NEBL: variants seen among roughly 807,000 people sequenced by gnomAD.
The protein encoded by NEBL is LIM and SH3 protein 2.
Under a neutral mutation model 140.2 loss-of-function variants are expected in NEBL, and 122 were observed. The observed-to-expected ratio is 0.87, with a 90% CI of 0.75 to 1.01. The LOEUF (loss-of-function observed/expected upper bound fraction) is 1.01. Among genes scored for constraint, NEBL ranks in the 50% least tolerant of loss-of-function variants. The pLI is 0.00. For missense variants in NEBL, 1,365 were observed against 1,231.3 expected (o/e 1.11, Z -1.62); for synonymous variants, 436 against 398.9 (o/e 1.09, Z -1.11).
chr10:20,818,745 T>C (rs1269457145), intron 20 of NEBL: 2 of 959,242 alleles, frequency 2.1e-6, no homozygotes, highest in East Asian at 1.2e-4. Context: ...CCCAGTACAT[T>C]TGGGTACTTA....
intron 2 of NEBL, among the ~76,000 whole-genome samples, chr10:21,143,867 A>T (rs80169688): frequency 1.7e-3 from 248 of 145,382 alleles, no homozygotes; most frequent in Non-Finnish European, 3.1e-3. Context: ...ACAAGAAAAG[A>T]AAAAAAAAAA....
intron 1 of NEBL, among the ~76,000 whole-genome samples, chr10:21,271,511 G>GAATAGTAA (rs1459910836): frequency 1.3e-5 from 2 of 151,554 alleles, no homozygotes; most frequent in African/African-American, 4.8e-5. Flanking sequence ...ACTACTAAGA[G>GAATAGTAA]AATAGTAAAC....
chr10:21,016,045 C>T (rs1032187697), intron 3 of NEBL, among the ~76,000 whole-genome samples: 2 of 152,256 alleles, frequency 1.3e-5, no homozygotes, highest in East Asian at 1.9e-4. Flanking sequence ...TTTACTTTTG[C>T]TTCTTGTTGA....
chr10:20,972,732 C>T (rs990693625), intron 3 of NEBL, among the ~76,000 whole-genome samples: 6 of 151,556 alleles, frequency 4.0e-5, no homozygotes, highest in African/African-American at 1.5e-4. Flanking sequence ...GGTGACAGAG[C>T]AACACTCCAT....
chr10:21,038,922 T>C (rs1027045537), intron 2 of NEBL, among the ~76,000 whole-genome samples: 1 of 152,188 alleles, frequency 6.6e-6, no homozygotes, highest in African/African-American at 2.4e-5. Context: ...CGTGAGATGG[T>C]ATCTCATTGT....
upstream of NEBL, among the ~76,000 whole-genome samples, chr10:20,900,845 G>GAAAA (rs371663324): frequency 9.7e-6 from 1 of 103,414 alleles, no homozygotes; most frequent in Non-Finnish European, 1.9e-5. Flanking sequence ...ACTCCATCCC[G>GAAAA]AAAAAAAAAG....
chr10:20,963,651 T>A (rs1836159844), intron 3 of NEBL, among the ~76,000 whole-genome samples: 1 of 152,140 alleles, frequency 6.6e-6, no homozygotes, highest in African/African-American at 2.4e-5. Context: ...TACCTTAGCC[T>A]CCCAAAGTGC....
chr10:20,953,973 G>T (rs1835644785), intron 4 of NEBL, among the ~76,000 whole-genome samples: 1 of 137,084 alleles, frequency 7.3e-6, no homozygotes, highest in African/African-American at 2.8e-5. Context: ...TTCCAGAAAA[G>T]ATTTTACTTG....
chr10:21,045,945 T>G (rs1051623914), intron 2 of NEBL, among the ~76,000 whole-genome samples: 2 of 152,124 alleles, frequency 1.3e-5, no homozygotes, highest in East Asian at 3.9e-4. Context: ...CTATTCACAA[T>G]AGATAAGACA....
chr10:21,012,605 TC>T (rs1372293515), intron 3 of NEBL, among the ~76,000 whole-genome samples: 1 of 152,154 alleles, frequency 6.6e-6, no homozygotes, highest in East Asian at 1.9e-4. Context: ...AATCCTGGCC[TC>T]AAGTGATCCT....
chr10:21,241,000 G>A (rs962661474), intron 3 of NEBL, among the ~76,000 whole-genome samples: 2 of 151,592 alleles, frequency 1.3e-5, no homozygotes, highest in African/African-American at 4.9e-5. Context: ...TTTCTACTGA[G>A]CCCCATTTTT....
At chr10:21,186,654 T>C (rs1202726165) in intron 3 of NEBL, among the ~76,000 whole-genome samples, 2 of 151,970 alleles carry the variant, frequency 1.3e-5, no homozygotes, top group Non-Finnish European at 2.9e-5. Flanking sequence ...ATGAGAATTG[T>C]TTGCGACTTT....
At chr10:21,219,415 A>C (rs1589333764) in intron 3 of NEBL, among the ~76,000 whole-genome samples, 1 of 152,222 alleles carries the variant, frequency 6.6e-6, no homozygotes, top group East Asian at 1.9e-4. Context: ...CTGTACTCCT[A>C]GACTCTATTA....
chr10:21,098,179 A>AAC (rs138608099), intron 2 of NEBL, among the ~76,000 whole-genome samples: 7 of 149,780 alleles, frequency 4.7e-5, no homozygotes, highest in Non-Finnish European at 8.9e-5. Context: ...GGAGGATAGC[A>AAC]ACACACACAC....
intron 3 of NEBL, among the ~76,000 whole-genome samples, chr10:20,987,474 T>C (rs7893616): frequency 0.17 from 26,064 of 152,080 alleles, 3,673 homozygotes; most frequent in East Asian, 0.39. Flanking sequence ...GTGACCTCAA[T>C]GTCACTTATG....
At chr10:21,263,104 C>G (rs907119478) in intron 1 of NEBL, among the ~76,000 whole-genome samples, 6 of 152,128 alleles carry the variant, frequency 3.9e-5, no homozygotes, top group African/African-American at 1.2e-4. Context: ...GAGAAATAAT[C>G]ACAATGGCAA....
chr10:21,046,310 A>G (rs563083613), intron 2 of NEBL, among the ~76,000 whole-genome samples: 148 of 152,346 alleles, frequency 9.7e-4, no homozygotes, highest in African/African-American at 3.5e-3. Flanking sequence ...ACTGTACATC[A>G]TGATGACTAC....
chr10:20,934,282 G>T (rs1834360335), intron 4 of NEBL, among the ~76,000 whole-genome samples: 1 of 152,208 alleles, frequency 6.6e-6, no homozygotes, highest in African/African-American at 2.4e-5. Context: ...ATGAGAATAT[G>T]ACAAGCATCT....
At chr10:21,095,330 C>G (rs373086685) in intron 2 of NEBL, among the ~76,000 whole-genome samples, 4 of 36,036 alleles carry the variant, frequency 1.1e-4, no homozygotes, top group East Asian at 4.5e-4. Flanking sequence ...CTAAGAAAAG[C>G]AGATAAAAGA....
Sources: gnomAD v4.1 joint callset for allele counts (sites outside exome capture counted in the v4.1 genomes callset) on GRCh38, gnomAD v4.1.1 for gene constraint, MANE v1.5 for transcripts, NCBI Gene and HGNC (gene_info 2026-07-23, HGNC 2026-07-21) for gene names.